ASTN2: variants seen among roughly 807,000 people sequenced by gnomAD.
ASTN2 encodes astrotactin 2.
ASTN2 carries 54 observed loss-of-function variants against 139.8 expected under a neutral mutation model. That is an observed-to-expected ratio of 0.39 (90% CI 0.31 to 0.48). The LOEUF is 0.48. Ranked by LOEUF, ASTN2 falls within the 20% of genes least tolerant of loss-of-function variation. The pLI is 0.95. For missense variants in ASTN2, 1,565 were observed against 1,725.1 expected, an observed-to-expected ratio of 0.91 and a Z score of 1.64; for synonymous variants, 756 against 719.5, an observed-to-expected ratio of 1.05 and a Z score of -0.81.
intron 16 of ASTN2, among the ~76,000 whole-genome samples, chr9:116,722,257 CAA>C (rs5900226): frequency 1.3e-5 from 2 of 151,312 alleles, no homozygotes; most frequent in African/African-American, 4.9e-5. Context: ...GACGCACACA[CAA>C]AAAAAAATAC....
In ASTN2 at chr9:117,161,458, A is replaced by G. The variant is rs559923470; in HGVS notation, c.1016-19980T>C. ...ACCCAGGCTAGAGTGCAGTGGTGCA[A>G]TCTCGGCTCACTGCAACCTATGCTT... On this transcript the variant is annotated intron_variant, in intron 3 of 22. Coordinates refer to ENST00000313400, the MANE Select transcript of ASTN2 (RefSeq NM_001365068.1). 3.5e-3 allele frequency among the ~76,000 whole-genome samples: 528 copies of G among 152,088 alleles called. 5 individuals carry two copies. The highest frequency in any genetic ancestry group is 6.1e-3 in the Non-Finnish European group (412 of 67,952).
intron 14 of ASTN2, among the ~76,000 whole-genome samples, chr9:116,732,597 G>A (rs1828817059): frequency 6.6e-6 from 1 of 152,212 alleles, no homozygotes; most frequent in African/African-American, 2.4e-5. Context: ...CAAAGGCAGA[G>A]TCGAGAACCT....
Position 117,291,395 on chromosome 9 carries a change from G to T in ASTN2, c.561C>A (p.Thr187=). 6.2e-7 allele frequency: 1 copy of T among 1,614,200 alleles called. No homozygotes were observed. Among genetic ancestry groups the T allele is most frequent in the Non-Finnish European group, 8.5e-7 (1 of 1,180,024 alleles). The change falls in exon 2 of 23, where the codon ACC becomes ACA. Residue 187 remains threonine (T), a synonymous_variant. Transcript: ENST00000313400. Reference sequence around the variant, plus strand: ...CCGAGGGCTCCTGGAGAGTGGGGGCGGTGGCTTGGGCCAGCTGCCCGGAGC... The same window carrying T: ...CCGAGGGCTCCTGGAGAGTGGGGGCTGTGGCTTGGGCCAGCTGCCCGGAGC... ...MSSSGQLAQA[T]APTLQEPSEI...
chr9:116,751,371 C>G (rs989361312), intron 13 of ASTN2, among the ~76,000 whole-genome samples: 4 of 152,178 alleles, frequency 2.6e-5, no homozygotes, highest in African/African-American at 9.7e-5. Context: ...TCTGCTTCCA[C>G]TCTTGCAAGT....
intron 3 of ASTN2, among the ~76,000 whole-genome samples, chr9:117,142,096 T>A (rs1192191087): frequency 6.6e-6 from 1 of 152,022 alleles, no homozygotes; most frequent in Non-Finnish European, 1.5e-5. Context: ...GGAAAGTAAT[T>A]TATGGTAGTT....
intron 11 of ASTN2, among the ~76,000 whole-genome samples, chr9:116,835,614 C>A (rs1472632421): frequency 6.6e-6 from 1 of 152,094 alleles, no homozygotes; most frequent in Non-Finnish European, 1.5e-5. Context: ...GAACCAACAA[C>A]CCGCTGCCCC....
At chr9:116,942,081 C>T (rs1215573881) in intron 10 of ASTN2, among the ~76,000 whole-genome samples, 12 of 135,730 alleles carry the variant, frequency 8.8e-5, no homozygotes, top group African/African-American at 2.6e-4. Context: ...AGTGCACGTA[C>T]GCACGCACGC....
intron 3 of ASTN2, among the ~76,000 whole-genome samples, chr9:117,143,195 T>C (rs1830115049): frequency 6.6e-6 from 1 of 152,210 alleles, no homozygotes; most frequent in African/African-American, 2.4e-5. Context: ...AAATGAATCA[T>C]GTGGTGGCAT....
At chr9:116,812,629 T>G (rs1831196106) in intron 12 of ASTN2, among the ~76,000 whole-genome samples, 5 of 152,112 alleles carry the variant, frequency 3.3e-5, no homozygotes, top group African/African-American at 1.2e-4. Flanking sequence ...ACAGAAGCAA[T>G]AGGAAATGTG....
chr9:116,490,884 T>A (rs918837676), intron 19 of ASTN2, among the ~76,000 whole-genome samples: 2 of 152,220 alleles, frequency 1.3e-5, no homozygotes, highest in Non-Finnish European at 2.9e-5. Context: ...AGGAACTCAG[T>A]ATGTTTGTGG....
At chr9:116,560,604 G>T (rs1287139835) in intron 19 of ASTN2, among the ~76,000 whole-genome samples, 1 of 151,952 alleles carries the variant, frequency 6.6e-6, no homozygotes, top group Admixed American at 6.6e-5. Flanking sequence ...CTTCTGGATG[G>T]TTCTTCCTTA....
intron 1 of ASTN2, among the ~76,000 whole-genome samples, chr9:117,352,824 T>C (rs1829427333): frequency 6.6e-6 from 1 of 152,168 alleles, no homozygotes; most frequent in African/African-American, 2.4e-5. Flanking sequence ...TGGAATACCA[T>C]TTAGCCATAA....
intron 10 of ASTN2, among the ~76,000 whole-genome samples, chr9:116,868,117 C>T (rs1425190781): frequency 6.6e-6 from 1 of 152,178 alleles, no homozygotes; most frequent in Admixed American, 6.5e-5. Flanking sequence ...AGAATCCCAG[C>T]TTTGCCAGCA....
At chr9:117,164,872 G>C (rs976949448) in intron 3 of ASTN2, among the ~76,000 whole-genome samples, 1 of 152,052 alleles carries the variant, frequency 6.6e-6, no homozygotes, top group Non-Finnish European at 1.5e-5. Flanking sequence ...TCTCCATGTG[G>C]GCACTGTACT....
At chr9:117,376,235 A>G (rs535683890) in intron 1 of ASTN2, among the ~76,000 whole-genome samples, 1 of 152,304 alleles carries the variant, frequency 6.6e-6, no homozygotes, top group African/African-American at 2.4e-5. Flanking sequence ...TTGCTAAAGA[A>G]GACACTGAGG....
At chr9:116,622,023 G>A (rs1411681175) in intron 17 of ASTN2, among the ~76,000 whole-genome samples, 2 of 152,218 alleles carry the variant, frequency 1.3e-5, no homozygotes, top group African/African-American at 2.4e-5. Context: ...TGCCTGCTCT[G>A]CATGATGTTC....
At chr9:117,253,442 C>T (rs912053791) in intron 2 of ASTN2, among the ~76,000 whole-genome samples, 38 of 152,186 alleles carry the variant, frequency 2.5e-4, no homozygotes, top group Non-Finnish European at 5.4e-4. Flanking sequence ...CTGTCTTCCT[C>T]CTACTGGAAA....
chr9:117,291,199 T>G, intron 2 of ASTN2, 127 bp downstream of exon 2: 1 of 1,231,644 alleles, frequency 8.1e-7, no homozygotes, highest in Non-Finnish European at 1.1e-6. Context: ...ATTTTCTGTT[T>G]CTCATTCTAA....
intron 1 of ASTN2, among the ~76,000 whole-genome samples, chr9:117,301,888 C>G (rs899323195): frequency 6.6e-6 from 1 of 151,576 alleles, no homozygotes; most frequent in African/African-American, 2.4e-5. Flanking sequence ...CTGAGCCTCA[C>G]TGGCCTCACA....
Sources: allele counts gnomAD v4.1 joint callset (sites outside exome capture counted in the v4.1 genomes callset), GRCh38; gene constraint gnomAD v4.1.1; transcripts MANE v1.5; gene names NCBI Gene and HGNC (gene_info 2026-07-23, HGNC 2026-07-21).